COL21A1: variants seen among roughly 807,000 people sequenced by gnomAD.
COL21A1 encodes collagen type XXI alpha 1 chain.
A neutral mutation model predicts 137.9 loss-of-function variants in COL21A1; 149 were observed. The ratio of observed to expected loss-of-function variants is 1.08; its 90% confidence interval spans 0.95 to 1.24. The LOEUF (loss-of-function observed/expected upper bound fraction) is 1.24, where lower values mean the gene tolerates loss of function less well. Among genes scored for constraint, COL21A1 ranks in the 50% most tolerant of loss-of-function variants. The probability of loss-of-function intolerance (pLI) is 0.00; values close to 1 mark genes in which losing one functional copy is unlikely to be tolerated. For missense variants in COL21A1, 1,167 were observed against 1,158.4 expected (o/e 1.01, Z -0.11); for synonymous variants, 456 against 391.5 (o/e 1.16, Z -1.95).
intron 1 of COL21A1, among the ~76,000 whole-genome samples, chr6:56,273,826 A>C (rs1318346667): frequency 6.6e-6 from 1 of 152,186 alleles, no homozygotes; most frequent in Non-Finnish European, 1.5e-5. Context: ...AAACTATTCC[A>C]AAAAAGGAAT....
chr6:56,372,803 T>C (rs1410712495), intron 1 of COL21A1, among the ~76,000 whole-genome samples: 1 of 152,180 alleles, frequency 6.6e-6, no homozygotes, highest in East Asian at 1.9e-4. Context: ...AAGGTGGCTG[T>C]TGTAATGGTA....
intron 1 of COL21A1, among the ~76,000 whole-genome samples, chr6:56,307,481 T>A (rs1764494348): frequency 6.6e-6 from 1 of 152,182 alleles, no homozygotes; most frequent in Admixed American, 6.5e-5. Context: ...ACTGCTGTGC[T>A]AGCAGTCAGC....
chr6:56,260,732 G>A (rs964530403), intron 1 of COL21A1, among the ~76,000 whole-genome samples: 1 of 150,820 alleles, frequency 6.6e-6, no homozygotes, highest in African/African-American at 2.4e-5. Context: ...AGGCAGGCAG[G>A]AAGGAAGGAA....
chr6:56,298,905 C>T (rs572476120), intron 1 of COL21A1, among the ~76,000 whole-genome samples: 1 of 152,072 alleles, frequency 6.6e-6, no homozygotes, highest in Non-Finnish European at 1.5e-5. Flanking sequence ...CTTAAGGGGA[C>T]CTTAAAAGTC....
intron 3 of COL21A1, among the ~76,000 whole-genome samples, chr6:56,176,180 A>G (rs1373615005): frequency 2.6e-5 from 4 of 152,190 alleles, no homozygotes; most frequent in Admixed American, 2.6e-4. Context: ...CTAAAAGAAA[A>G]CTAGGAAAAG....
In COL21A1 at chr6:56,276,469, A is replaced by T. The variant is rs547152018; in HGVS notation, c.-38-93813T>A. On this transcript the variant is annotated intron_variant, in intron 1 of 28. Coordinates refer to the COL21A1 transcript ENST00000370819. ...GTCTTTCTTTCTAATGTAAAAATAC[A>T]TACTTTTTTCAGAGAGAGGGGGAAC... 2.8e-5 allele frequency: 20 copies of T among 708,416 alleles called. No individual in the cohort carries two copies. The African/African-American group carries it at 3.7e-4, about 13-fold the overall frequency. 43.9% of individuals were successfully genotyped at this position (708,416 alleles called of 1,614,324 possible).
chr6:56,075,985 C>T (rs1374431884), intron 18 of COL21A1, among the ~76,000 whole-genome samples: 2 of 151,504 alleles, frequency 1.3e-5, no homozygotes, highest in Non-Finnish European at 3.0e-5. Flanking sequence ...GAAGGAACAT[C>T]CTCTGTGAGA....
At chr6:56,121,844 G>C (rs1277347205) in intron 16 of COL21A1, among the ~76,000 whole-genome samples, 1 of 151,664 alleles carries the variant, frequency 6.6e-6, no homozygotes, top group East Asian at 1.9e-4. Context: ...AAAGTAAATA[G>C]CTTTTTTTTT....
chr6:56,164,677 T>C (rs981317421), intron 8 of COL21A1, 137 bp downstream of exon 8: 1 of 843,520 alleles, frequency 1.2e-6, no homozygotes, highest in African/African-American at 1.7e-5. Flanking sequence ...CAAAAATCTA[T>C]AAATATTAAA....
intron 16 of COL21A1, 32 bp from the exon 17 acceptor site, chr6:56,101,557 A>G: frequency 6.5e-7 from 1 of 1,530,316 alleles, no homozygotes; most frequent in Non-Finnish European, 8.9e-7. Context: ...GAAATAGAGA[A>G]TTCAGTTTTG....
chr6:56,347,033 C>G (rs1232856174), intron 1 of COL21A1, among the ~76,000 whole-genome samples: 2 of 152,168 alleles, frequency 1.3e-5, no homozygotes, highest in Non-Finnish European at 2.9e-5. Context: ...ATCCAGTTAA[C>G]AGTCTACCAC....
At chr6:56,143,222 A>T (rs1774561283) in intron 10 of COL21A1, among the ~76,000 whole-genome samples, 1 of 133,014 alleles carries the variant, frequency 7.5e-6, no homozygotes. Context: ...TTTTTTTGAG[A>T]CAGAGTCTCA....
rs574020816 is a variant in COL21A1, at chr6:56,244,681, A to C, written c.-39+2706T>G. Among the ~76,000 whole-genome samples, 81 of 152,306 alleles carry C rather than the reference A, an allele frequency of 5.3e-4. 1 individual carries two copies. The South Asian group carries it at 0.016, about 31-fold the overall frequency. On this transcript the variant is annotated intron_variant, in intron 1 of 29. Transcript: ENST00000244728. ...CTTTATGTTTAGTCTTATAGAAGTC[A>C]TATATGATTGGTAATTAGCAGGTTA...
intron 1 of COL21A1, among the ~76,000 whole-genome samples, chr6:56,392,114 A>G (rs1326033415): frequency 6.6e-6 from 1 of 152,106 alleles, no homozygotes; most frequent in Non-Finnish European, 1.5e-5. Flanking sequence ...ACTAGCAAAC[A>G]AAATTCAACA....
chr6:56,095,278 T>C (rs901950326), intron 17 of COL21A1, among the ~76,000 whole-genome samples: 3 of 152,170 alleles, frequency 2.0e-5, no homozygotes, highest in African/African-American at 7.2e-5. Context: ...GTTTACTGTG[T>C]GGTGTTCCTC....
intron 3 of COL21A1, among the ~76,000 whole-genome samples, chr6:56,171,560 A>T (rs898421618): frequency 1.3e-5 from 2 of 151,974 alleles, no homozygotes; most frequent in Non-Finnish European, 1.5e-5. Flanking sequence ...TTAATTCAAA[A>T]ATGAACACTA....
At chr6:56,107,835 A>G (rs1771084092) in intron 16 of COL21A1, among the ~76,000 whole-genome samples, 1 of 152,168 alleles carries the variant, frequency 6.6e-6, no homozygotes, top group Non-Finnish European at 1.5e-5. Context: ...CTGGTGACAA[A>G]CACTGAGTAT....
intron 3 of COL21A1, 36 bp from the exon 4 acceptor site, chr6:56,171,164 G>A: frequency 6.7e-7 from 1 of 1,485,440 alleles, no homozygotes; most frequent in Non-Finnish European, 9.1e-7. Context: ...GGTTAATCAT[G>A]GACTATTCAA....
intron 17 of COL21A1, among the ~76,000 whole-genome samples, chr6:56,093,842 T>A (rs72874266): frequency 6.6e-6 from 1 of 152,258 alleles, no homozygotes; most frequent in Non-Finnish European, 1.5e-5. Flanking sequence ...TTTACACAAT[T>A]AGACAAGAGG....
Sources: allele counts gnomAD v4.1 joint callset (sites outside exome capture counted in the v4.1 genomes callset), GRCh38; gene constraint gnomAD v4.1.1; transcripts MANE v1.5; gene names NCBI Gene and HGNC (gene_info 2026-07-23, HGNC 2026-07-21).